Variants in HAGH observed in about 807,000 individuals in gnomAD.
HAGH encodes the protein hydroxyacylglutathione hydrolase, also known as hydroxyacylglutathione hydrolase, mitochondrial.
HAGH carries 29 observed loss-of-function variants against 35.1 expected under a neutral mutation model. The observed-to-expected ratio is 0.83, with a 90% CI of 0.62 to 1.13. The LOEUF is 1.13. Ranked by LOEUF, HAGH falls within the 50% of genes most tolerant of loss-of-function variation. The pLI is 0.00. For synonymous variants in HAGH, 225 were observed against 176.1 expected (o/e 1.28, Z -2.20); for missense variants, 478 against 419.6 (o/e 1.14, Z -1.22).
chr16:1,823,302 C>A (rs1025881120), intron 1 of HAGH, among the ~76,000 whole-genome samples: 3 of 150,566 alleles, frequency 2.0e-5, no homozygotes, highest in Non-Finnish European at 1.5e-5. Context: ...GAGTCTCGCT[C>A]TGTCGCCCAG....
chr16:1,822,260 G>C (rs746664074), intron 3 of HAGH, 40 bp downstream of exon 3: 36 of 1,401,820 alleles, frequency 2.6e-5, no homozygotes, highest in Admixed American at 1.5e-4. Flanking sequence ...GGCGAGAAGT[G>C]AGCCAGGTCC....
intron 7 of HAGH, among the ~76,000 whole-genome samples, chr16:1,813,128 C>A (rs559963865): frequency 6.6e-6 from 1 of 152,184 alleles, no homozygotes; most frequent in Admixed American, 6.5e-5. Flanking sequence ...GTGTTTGGAT[C>A]ATGGGGGGAA....
intron 7 of HAGH, among the ~76,000 whole-genome samples, chr16:1,812,672 G>T (rs1742458): frequency 1.3e-5 from 2 of 152,244 alleles, no homozygotes; most frequent in South Asian, 2.1e-4. Flanking sequence ...TTTGACCTTG[G>T]GATAAACAAA....
rs149319914 is a variant in HAGH at position 1,819,972 on chromosome 16, C to G, written c.357G>C (p.Ser119=). The change falls in exon 4 of 9, where the codon TCG becomes TCC. Residue 119 remains serine, a synonymous_variant. Transcript: ENST00000397356. ...CGTCACCCCCGTACACCTTCAGTCC[C>G]GACTCCAGCTTGACCAGTTTCTCAT... The part of the protein sequence containing the change: ...GGNEKLVKLE[S]GLKVYGGDDR... 1.9e-6 allele frequency: 3 copies of G among 1,613,348 alleles called. No individual in the cohort carries two copies. Among genetic ancestry groups the G allele is most frequent in the Non-Finnish European group, 2.5e-6 (3 of 1,179,784 alleles).
intron 2 of HAGH, 37 bp from the exon 3 acceptor site, chr16:1,822,401 A>G: frequency 6.7e-7 from 1 of 1,502,384 alleles, no homozygotes; most frequent in South Asian, 1.1e-5. Flanking sequence ...GGCCTGTCAC[A>G]CTCCTAGGCC....
chr16:1,823,263 C>CTT (rs372390749), intron 1 of HAGH, among the ~76,000 whole-genome samples: 12 of 134,272 alleles, frequency 8.9e-5, no homozygotes, highest in South Asian at 2.3e-4. Context: ...AAGACCTTGT[C>CTT]TTTTTTTTTT....
In HAGH at chr16:1,816,806, A is replaced by C. The variant is rs1407962042; in HGVS notation, c.747+87T>G. 7.5e-6 allele frequency: 6 copies of C among 799,528 alleles called. No homozygotes were observed. In the African/African-American group the frequency reaches 8.4e-5, roughly 11 times the overall value. 49.5% of individuals were successfully genotyped at this position (799,528 alleles called of 1,614,324 possible). A position where few individuals can be genotyped will look rare whatever the true frequency, so the allele number is the denominator to read the frequency against. ...GCCTGCTCTCTGGGCTCAGAGTGTG[A>C]GTGTCTACCCACTCTGGCGACCCCG... On this transcript the variant is annotated intron_variant, in intron 7 of 8. Coordinates refer to ENST00000397356, the MANE Select transcript of HAGH (RefSeq NM_005326.6).
intron 1 of HAGH, among the ~76,000 whole-genome samples, chr16:1,825,189 G>A (rs1196051759): frequency 6.6e-6 from 1 of 152,144 alleles, no homozygotes; most frequent in Non-Finnish European, 1.5e-5. Flanking sequence ...GTGGTGGCGA[G>A]CGCCTGTAGT....
chr16:1,822,497 C>T, intron 2 of HAGH, 133 bp from the exon 3 acceptor site: 1 of 735,524 alleles, frequency 1.4e-6, no homozygotes, highest in South Asian at 1.5e-5. Context: ...CCTGACCCTG[C>T]CAGCTTGCCC....
At position 1,819,134 on chromosome 16, in the gene HAGH, C is replaced by G; in HGVS notation, c.522G>C (p.Glu174Asp). 6.2e-7 allele frequency: 1 copy of G among 1,610,734 alleles called. No individual in the cohort carries two copies. Among genetic ancestry groups the G allele is most frequent in the Non-Finnish European group, 8.5e-7 (1 of 1,177,472 alleles). ...CYFVSKPGGS[E>D]PPAVFTGDTL... ...ACGCACCTGTGAACACGGCAGGGGG[C>G]TCCGAGCCTCCGGGCTTGCTCACGA... Residue 174 changes from glutamate to aspartate, a missense_variant, in exon 5 of 9, where the codon GAG (glutamate) becomes GAC (aspartate). Transcript: ENST00000397356.
At chr16:1,826,863 G>A, upstream of HAGH, 1 of 922,442 alleles carries the variant, frequency 1.1e-6, no homozygotes, top group Non-Finnish European at 1.4e-6. Context: ...GCCAATCAGC[G>A]CCCGCCTCGC....
At chr16:1,809,716 G>C (rs1242158777) in intron 8 of HAGH, 38 bp downstream of exon 8, 4 of 1,408,438 alleles carry the variant, frequency 2.8e-6, no homozygotes, top group Admixed American at 3.4e-5. Context: ...ACTGCCAGAG[G>C]GGAGGGGCCC....
rs1055378253 is a variant in HAGH, at chr16:1,807,647, C to CAAAT, written c.*1635_*1636insATTT. The CAAAT allele has an allele frequency of 6.6e-6, 1 of 152,224 alleles. No homozygotes were observed. Among genetic ancestry groups the CAAAT allele is most frequent in the Admixed American group, 6.5e-5 (1 of 15,282 alleles). The allele number at this position is 152,224 out of a possible 1,614,324, so 9.4% of individuals were successfully genotyped here. A position where few individuals can be genotyped will look rare whatever the true frequency, so the allele number is the denominator to read the frequency against. On this transcript the variant is annotated 3_prime_UTR_variant, in exon 9 of 9. Coordinates refer to ENST00000397356, the MANE Select transcript of HAGH (RefSeq NM_005326.6). ...CACAGTGTTTGTTATAGAATGGAAACATTTAAGATTCTGGCCTAAGAATAT... is the reference window on the plus strand; with the variant it reads ...CACAGTGTTTGTTATAGAATGGAAACAAATATTTAAGATTCTGGCCTAAGAATAT...
In HAGH at chr16:1,819,208, C is replaced by T. The variant is rs200922408; in HGVS notation, c.448G>A (p.Val150Ile). Residue 150 changes from valine to isoleucine, a missense_variant, in exon 5 of 9, where the codon GTC (valine) becomes ATC (isoleucine). Physicochemically the swap from Val to Ile is conservative, Grantham distance 29. Coordinates refer to ENST00000397356, the MANE Select transcript of HAGH (RefSeq NM_005326.6). ...TGGCACGGGGTCGCCAGGCACTTGACGTTCAGAGACCCCACCTTCAACAAA... is the reference window on the plus strand; with the variant it reads ...TGGCACGGGGTCGCCAGGCACTTGATGTTCAGAGACCCCACCTTCAACAAA... The part of the protein sequence containing the change: ...LSTLQVGSLN[V>I]KCLATPCHTS... The T allele has an allele frequency of 6.8e-6, 11 of 1,609,424 alleles. No homozygotes were observed. Among genetic ancestry groups the T allele is most frequent in the Middle Eastern group, 1.6e-4 (1 of 6,070 alleles).
intron 7 of HAGH, among the ~76,000 whole-genome samples, chr16:1,811,916 G>C (rs1330894842): frequency 4.6e-5 from 7 of 151,940 alleles, no homozygotes; most frequent in African/African-American, 1.5e-4. Flanking sequence ...GAGGCCGGGT[G>C]TGGTTGGCAC....
intron 4 of HAGH, among the ~76,000 whole-genome samples, chr16:1,819,429 G>A (rs1898048193): frequency 6.6e-6 from 1 of 152,208 alleles, no homozygotes; most frequent in South Asian, 2.1e-4. Flanking sequence ...CCTGGAACAA[G>A]AGCGTGTAAA....
intron 7 of HAGH, among the ~76,000 whole-genome samples, chr16:1,815,367 T>G (rs1193869110): frequency 2.0e-5 from 3 of 152,216 alleles, no homozygotes; most frequent in Non-Finnish European, 4.4e-5. Flanking sequence ...ACAAAAGACT[T>G]GTACACAAAT....
intron 2 of HAGH, among the ~76,000 whole-genome samples, 171 bp from the exon 3 acceptor site, chr16:1,822,535 T>A (rs1898199824): frequency 6.6e-6 from 1 of 152,032 alleles, no homozygotes; most frequent in African/African-American, 2.4e-5. Context: ...TGAAAGCACC[T>A]TCTCCTTCCT....
intron 5 of HAGH, among the ~76,000 whole-genome samples, chr16:1,817,870 C>G (rs978689150): frequency 2.0e-5 from 3 of 152,232 alleles, no homozygotes; most frequent in African/African-American, 7.2e-5. Context: ...CCTCACGTGG[C>G]CGTCTGCCCC....
Sources: allele counts gnomAD v4.1 joint callset (sites outside exome capture counted in the v4.1 genomes callset), GRCh38; gene constraint gnomAD v4.1.1; transcripts MANE v1.5; gene names NCBI Gene and HGNC (gene_info 2026-07-23, HGNC 2026-07-21).